DDAH1: variants seen among roughly 807,000 people sequenced by gnomAD.
The protein encoded by DDAH1 is dimethylarginine dimethylaminohydrolase 1.
In DDAH1, 19 loss-of-function variants were observed where a neutral mutation model predicts 28.8. The observed-to-expected ratio is 0.66, with a 90% CI of 0.46 to 0.97. The LOEUF (loss-of-function observed/expected upper bound fraction) is 0.97, where lower values mean the gene tolerates loss of function less well. Among genes scored for constraint, DDAH1 ranks in the 50% least tolerant of loss-of-function variants. The pLI, the probability that DDAH1 is intolerant of heterozygous loss-of-function variation, is 0.00. For missense variants in DDAH1, 326 were observed against 375.9 expected (o/e 0.87, Z 1.10); for synonymous variants, 153 against 154.4 (o/e 0.99, Z 0.07).
intron 4 of DDAH1, among the ~76,000 whole-genome samples, chr1:85,337,559 T>TTC (rs1648218501): frequency 1.3e-5 from 2 of 151,922 alleles, no homozygotes; most frequent in African/African-American, 4.8e-5. Flanking sequence ...GTTCAAGCAA[T>TTC]TCTCCTGCCT....
chr1:85,377,707 C>A (rs185120943), intron 1 of DDAH1, among the ~76,000 whole-genome samples: 22 of 151,788 alleles, frequency 1.4e-4, no homozygotes, highest in African/African-American at 4.8e-4. Context: ...CCTTCTCCCC[C>A]TCATCCCCCC....
chr1:85,396,616 A>T (rs1376114416), intron 1 of DDAH1, among the ~76,000 whole-genome samples: 1 of 152,218 alleles, frequency 6.6e-6, no homozygotes, highest in African/African-American at 2.4e-5. Context: ...AGCCACCTGG[A>T]AGTCCAAAAG....
intron 1 of DDAH1, among the ~76,000 whole-genome samples, chr1:85,382,486 G>A (rs993949558): frequency 5.9e-5 from 9 of 152,204 alleles, no homozygotes; most frequent in African/African-American, 2.2e-4. Flanking sequence ...AAGGTGAAGC[G>A]ATAAGTGCTG....
chr1:85,366,232 G>A (rs1047680157), intron 1 of DDAH1, among the ~76,000 whole-genome samples: 1 of 152,104 alleles, frequency 6.6e-6, no homozygotes, highest in Non-Finnish European at 1.5e-5. Flanking sequence ...TTAACCCTGT[G>A]ATTATTCAGA....
At chr1:85,394,291 G>A (rs763375755) in intron 1 of DDAH1, among the ~76,000 whole-genome samples, 4 of 152,122 alleles carry the variant, frequency 2.6e-5, no homozygotes, top group East Asian at 1.9e-4. Flanking sequence ...GTGAGGTCAC[G>A]CCTGTGTTTT....
At chr1:85,513,990 A>G (rs1657350625) in intron 1 of DDAH1, among the ~76,000 whole-genome samples, 1 of 152,222 alleles carries the variant, frequency 6.6e-6, no homozygotes, top group Non-Finnish European at 1.5e-5. Context: ...TGACCCAGCA[A>G]TCCCATTGCT....
intron 1 of DDAH1, among the ~76,000 whole-genome samples, chr1:85,505,449 A>T (rs1252041961): frequency 1.3e-5 from 2 of 152,170 alleles, no homozygotes; most frequent in Non-Finnish European, 2.9e-5. Context: ...GCCTGCTAAG[A>T]GGGAAAAAGT....
intron 1 of DDAH1, among the ~76,000 whole-genome samples, chr1:85,509,214 G>C (rs1445725134): frequency 1.3e-5 from 2 of 152,214 alleles, no homozygotes; most frequent in Admixed American, 1.3e-4. Flanking sequence ...GTCTGGAGTG[G>C]AACTCCAGCA....
chr1:85,445,569 A>G (rs1485360533), intron 1 of DDAH1, among the ~76,000 whole-genome samples: 1 of 152,160 alleles, frequency 6.6e-6, no homozygotes, highest in Non-Finnish European at 1.5e-5. Flanking sequence ...TAAAGGGTAT[A>G]TGCTCAATGA....
chr1:85,445,550 T>C (rs897053681), intron 1 of DDAH1, among the ~76,000 whole-genome samples: 2 of 152,206 alleles, frequency 1.3e-5, no homozygotes, highest in African/African-American at 4.8e-5. Context: ...GAGGTCCTTC[T>C]GTCCTTCCTA....
chr1:85,464,650 G>A lies in DDAH1; in HGVS notation c.303+93C>T, dbSNP rs970831162. The A allele has an allele frequency of 6.1e-6, 9 of 1,471,476 alleles. No homozygotes were observed. Among genetic ancestry groups the A allele is most frequent in the Middle Eastern group, 4.0e-4 (2 of 4,956 alleles). The allele number at this position is 1,471,476 out of a possible 1,614,324, so 91.2% of individuals were successfully genotyped here. A position where few individuals can be genotyped will look rare whatever the true frequency, so the allele number is the denominator to read the frequency against. ...GGAAGTTGTGAACTACTAGCCCGAG[G>A]GCCAATGGCGCGACTCCCCAGGCAA... is the stretch of plus-strand genomic sequence containing the variant. On this transcript the variant is annotated intron_variant, in intron 1 of 5. Coordinates refer to ENST00000284031, the MANE Select transcript of DDAH1 (RefSeq NM_012137.4). The surrounding 1 kb of genome is among the most constrained non-coding windows in gnomAD (Gnocchi z 4.4).
At chr1:85,510,079 G>T (rs1044257602) in intron 1 of DDAH1, among the ~76,000 whole-genome samples, 7 of 152,152 alleles carry the variant, frequency 4.6e-5, no homozygotes, top group Non-Finnish European at 8.8e-5. Context: ...GAAGGAAAAA[G>T]TGTTAAGGGC....
At chr1:85,532,490 GA>G (rs1263093175) in intron 1 of DDAH1, among the ~76,000 whole-genome samples, 1 of 152,074 alleles carries the variant, frequency 6.6e-6, no homozygotes. Context: ...CGTTTGCGAT[GA>G]ATAAAATCTA....
chr1:85,428,840 CCTT>C (rs1298674312), intron 1 of DDAH1, among the ~76,000 whole-genome samples: 1 of 151,476 alleles, frequency 6.6e-6, no homozygotes, highest in Non-Finnish European at 1.5e-5. Flanking sequence ...TCTGGTGCAG[CCTT>C]CTTCTATTGA....
chr1:85,494,358 T>C (rs1194563000), intron 2 of DDAH1: 1 of 152,196 alleles, frequency 6.6e-6, no homozygotes, highest in Non-Finnish European at 1.5e-5. Context: ...GAGTACTCTC[T>C]CTTAATAATA....
At chr1:85,382,113 A>G (rs560201552) in intron 1 of DDAH1, among the ~76,000 whole-genome samples, 1 of 152,368 alleles carries the variant, frequency 6.6e-6, no homozygotes, top group African/African-American at 2.4e-5. Context: ...AAAAGCTGAG[A>G]CAGGCCAAAA....
chr1:85,329,302 C>A (rs1445386008), intron 4 of DDAH1, among the ~76,000 whole-genome samples: 4 of 152,216 alleles, frequency 2.6e-5, no homozygotes, highest in Non-Finnish European at 5.9e-5. Context: ...TTGACTTCAG[C>A]TGTTTCCATG....
At chr1:85,499,036 T>C (rs753674745) in intron 1 of DDAH1, among the ~76,000 whole-genome samples, 5 of 150,766 alleles carry the variant, frequency 3.3e-5, no homozygotes, top group Non-Finnish European at 5.9e-5. Context: ...TGGGAGAAAA[T>C]AAATAGCAAA....
chr1:85,511,450 C>T (rs576214211), intron 1 of DDAH1, among the ~76,000 whole-genome samples: 1 of 152,172 alleles, frequency 6.6e-6, no homozygotes, highest in South Asian at 2.1e-4. Flanking sequence ...ACTAGAGAAG[C>T]AAGAGCAAAC....
Sources: gnomAD v4.1 joint callset for allele counts (sites outside exome capture counted in the v4.1 genomes callset) on GRCh38, gnomAD v4.1.1 for gene constraint, Gnocchi (gnomAD v3.1) non-coding constraint, MANE v1.5 for transcripts, NCBI Gene and HGNC (gene_info 2026-07-23, HGNC 2026-07-21) for gene names.